The following TMEM263 variants were observed in gnomAD, a reference collection of about 807,000 sequenced individuals.
TMEM263 encodes UPF0444 transmembrane protein C12orf23.
A neutral mutation model predicts 8.6 loss-of-function variants in TMEM263; 5 were observed. That is an observed-to-expected ratio of 0.58 (90% confidence interval 0.31 to 1.23). The LOEUF (loss-of-function observed/expected upper bound fraction) is 1.23, where lower values mean the gene tolerates loss of function less well. Ranked by LOEUF, TMEM263 falls within the 50% of genes most tolerant of loss-of-function variation. TMEM263 has a pLI of 0.07. For missense variants in TMEM263, 104 were observed against 138.8 expected (o/e 0.75, Z 1.26); for synonymous variants, 50 against 47.9 (o/e 1.04, Z -0.18).
Position 106,971,297 on chromosome 12 carries a change from G to A in TMEM263, c.257G>A (p.Gly86Asp). Reference sequence around the variant, plus strand: ...ATGGGAATAGGGCTGGTGAAAGGGGGTGTCTCTGCTGTGGCTGGAGGTGTT... The same window carrying A: ...ATGGGAATAGGGCTGGTGAAAGGGGATGTCTCTGCTGTGGCTGGAGGTGTT... ...PSMGIGLVKG[G>D]VSAVAGGVTA... is the part of the protein sequence containing the mutation. The change falls in exon 4 of 4, where the codon GGT (glycine) becomes GAT (aspartate). Residue 86 changes from glycine to aspartate, a missense_variant. By Grantham distance (94) the Gly-to-Asp change is moderately conservative (BLOSUM62 -1). Coordinates refer to ENST00000280756, the MANE Select transcript of TMEM263 (RefSeq NM_152261.4). 1 of 1,614,212 alleles carries A rather than the reference G, an allele frequency of 6.2e-7. No homozygotes were observed. The highest frequency in any genetic ancestry group is 8.5e-7 in the Non-Finnish European group (1 of 1,180,030).
In TMEM263 at chr12:106,967,108, T is replaced by A. The variant is rs778020683; in HGVS notation, c.-6-3T>A. ...GAAATGTGTTTGTATGTTTTTTTTT[T>A]AGGAGATCATGAATCAGACAGATAA... On this transcript the variant is annotated splice_region_variant and splice_polypyrimidine_tract_variant and intron_variant, in intron 2 of 3. Transcript: ENST00000280756. 6 of 1,570,950 alleles carry A rather than the reference T, an allele frequency of 3.8e-6. No individual in the cohort carries two copies. In the Admixed American group the frequency reaches 1.1e-4, roughly 29 times the overall value.
At chr12:106,971,027 G>T in intron 3 of TMEM263, 78 bp from the exon 4 acceptor site, 2 of 1,470,630 alleles carry the variant, frequency 1.4e-6, no homozygotes, top group Non-Finnish European at 1.9e-6. Context: ...GAAGTCTTAG[G>T]TTACTTAATG....
intron 1 of TMEM263, 55 bp downstream of exon 1, chr12:106,956,120 C>G (rs1387785662): frequency 1.1e-6 from 1 of 904,344 alleles, no homozygotes; most frequent in Non-Finnish European, 1.3e-6. Flanking sequence ...CTGCCCTCCT[C>G]CGTCGCCCTC....
At chr12:106,969,755 A>G (rs1951895405) in intron 3 of TMEM263, among the ~76,000 whole-genome samples, 1 of 151,948 alleles carries the variant, frequency 6.6e-6, no homozygotes, top group Admixed American at 6.6e-5. Context: ...TTAGATTACT[A>G]AAGAGAAAAG....
rs1348199454 is a variant in TMEM263 at position 106,971,395 on chromosome 12, A to G, written c.*4A>G. 6 of 1,594,854 alleles carry G rather than the reference A, an allele frequency of 3.8e-6. No individual in the cohort carries two copies. In the African/African-American group the frequency reaches 5.4e-5, roughly 14 times the overall value. On this transcript the variant is annotated 3_prime_UTR_variant, in exon 4 of 4. Transcript: ENST00000280756. ...GAAGAAAGACAAATCTGACTGAAAT[A>G]TAGAGATACACTTGCGCTCCACAGC...
At chr12:106,966,948 G>A (rs919457193) in intron 2 of TMEM263, 163 bp from the exon 3 acceptor site, 12 of 569,536 alleles carry the variant, frequency 2.1e-5, no homozygotes, top group East Asian at 3.3e-5. Flanking sequence ...ATTAAATGCC[G>A]CAGTTTGAAG....
chr12:106,963,748 G>A (rs1191719403), intron 2 of TMEM263, among the ~76,000 whole-genome samples: 1 of 152,114 alleles, frequency 6.6e-6, no homozygotes, highest in African/African-American at 2.4e-5. Flanking sequence ...CTCTCATAAA[G>A]CAGAACTAAT....
rs1413649228 is a variant in TMEM263 at position 106,972,245 on chromosome 12, A to C, written c.*854A>C. The C allele has an allele frequency of 6.6e-6, 1 of 152,208 alleles. No individual in the cohort carries two copies. Among genetic ancestry groups the C allele is most frequent in the Admixed American group, 6.5e-5 (1 of 15,286 alleles). The allele number at this position is 152,208 out of a possible 1,614,324, so 9.4% of individuals were successfully genotyped here. Reference sequence around the variant, plus strand: ...TAATACACCTCACAGTGCCTAAGGAACATTTACTTACTGGTCAGAAGGTAT... The same window carrying C: ...TAATACACCTCACAGTGCCTAAGGACCATTTACTTACTGGTCAGAAGGTAT... On this transcript the variant is annotated 3_prime_UTR_variant, in exon 4 of 4. Coordinates refer to ENST00000280756, the MANE Select transcript of TMEM263 (RefSeq NM_152261.4).
chr12:106,971,106 T>C lies in TMEM263; in HGVS notation c.66T>C (p.Gly22=), dbSNP rs765374011. The C allele has an allele frequency of 1.2e-6, 2 of 1,613,806 alleles. No individual in the cohort carries two copies. The highest frequency in any genetic ancestry group is 1.7e-6 in the Non-Finnish European group (2 of 1,179,800). ...TCTCATGATATTTTCTCTCATTAGG[T>C]TCAATGAAAGATCACCCACAGCAGC... ...PSYLNDEPPE[G]SMKDHPQQQP... Residue 22 remains glycine, a splice_region_variant and synonymous_variant, in exon 4 of 4, where the codon GGT becomes GGC. Coordinates refer to ENST00000280756, the MANE Select transcript of TMEM263 (RefSeq NM_152261.4).
chr12:106,961,538 C>T (rs1452549793), intron 2 of TMEM263, among the ~76,000 whole-genome samples: 1 of 152,084 alleles, frequency 6.6e-6, no homozygotes, highest in African/African-American at 2.4e-5. Flanking sequence ...CACAACTGTG[C>T]AGGCCACAGG....
At chr12:106,957,560 A>G (rs1321557827) in intron 2 of TMEM263, among the ~76,000 whole-genome samples, 1 of 152,116 alleles carries the variant, frequency 6.6e-6, no homozygotes, top group African/African-American at 2.4e-5. Flanking sequence ...ATATATAAAC[A>G]TCTTGAGAAT....
At chr12:106,971,020 G>A in intron 3 of TMEM263, 85 bp from the exon 4 acceptor site, 1 of 1,426,646 alleles carries the variant, frequency 7.0e-7, no homozygotes, top group Non-Finnish European at 9.6e-7. Flanking sequence ...TTGTGAGGAA[G>A]TCTTAGGTTA....
At chr12:106,961,203 G>A (rs1027298444) in intron 2 of TMEM263, among the ~76,000 whole-genome samples, 1 of 144,768 alleles carries the variant, frequency 6.9e-6, no homozygotes, top group Non-Finnish European at 1.5e-5. Context: ...GACTACAGGC[G>A]TGCACCACCG....
At chr12:106,965,900 T>C (rs893466748) in intron 2 of TMEM263, among the ~76,000 whole-genome samples, 3 of 152,138 alleles carry the variant, frequency 2.0e-5, no homozygotes, top group African/African-American at 7.2e-5. Flanking sequence ...CTGTTACTGA[T>C]TCAGATTGGT....
intron 2 of TMEM263, among the ~76,000 whole-genome samples, chr12:106,964,583 T>C (rs1189180316): frequency 6.6e-6 from 1 of 152,238 alleles, no homozygotes. Context: ...AGCTTTACTA[T>C]TACTTTTTAA....
chr12:106,963,288 C>T (rs997790422), intron 2 of TMEM263, among the ~76,000 whole-genome samples: 18 of 152,090 alleles, frequency 1.2e-4, no homozygotes, highest in African/African-American at 4.1e-4. Context: ...CACGACTGGA[C>T]TGAAAGAAGA....
chr12:106,969,333 CCT>C (rs2136775913), intron 3 of TMEM263, among the ~76,000 whole-genome samples: 1 of 152,250 alleles, frequency 6.6e-6, no homozygotes, highest in South Asian at 2.1e-4. Context: ...GTAATTTACC[CCT>C]CTTTTTCAGA....
At chr12:106,963,740 C>A (rs1427972681) in intron 2 of TMEM263, among the ~76,000 whole-genome samples, 6 of 152,102 alleles carry the variant, frequency 3.9e-5, no homozygotes, top group Non-Finnish European at 1.5e-5. Flanking sequence ...ATCTTATGCT[C>A]TCATAAAGCA....
intron 2 of TMEM263, among the ~76,000 whole-genome samples, chr12:106,957,398 T>C (rs142965135): frequency 6.6e-6 from 1 of 152,128 alleles, no homozygotes; most frequent in Non-Finnish European, 1.5e-5. Context: ...CGTTAGAAAT[T>C]ATAACGGTTG....
Sources: gnomAD v4.1 joint callset for allele counts (sites outside exome capture counted in the v4.1 genomes callset) on GRCh38, gnomAD v4.1.1 for gene constraint, MANE v1.5 for transcripts, NCBI Gene and HGNC (gene_info 2026-07-23, HGNC 2026-07-21) for gene names.